The following ZNF667 variants were observed in gnomAD, a reference collection of about 807,000 sequenced individuals.
ZNF667 encodes zinc finger protein 667, also known as myocardial ischemic preconditioning upregulated 1 ortholog.
Under a neutral mutation model 31.8 loss-of-function variants are expected in ZNF667, and 13 were observed. That is an observed-to-expected ratio of 0.41 (90% CI 0.27 to 0.65). The LOEUF is 0.65. Among genes scored for constraint, ZNF667 ranks in the 30% least tolerant of loss-of-function variants. The pLI is 0.32. For synonymous variants in ZNF667, 228 were observed against 247.1 expected, an observed-to-expected ratio of 0.92 and a Z score of 0.73; for missense variants, 642 against 725.6, an observed-to-expected ratio of 0.88 and a Z score of 1.32.
At chr19:56,472,717 A>G (rs2043318259) in intron 2 of ZNF667, 1 of 152,242 alleles carries the variant, frequency 6.6e-6, no homozygotes, top group South Asian at 2.1e-4. Context: ...AATACATGTA[A>G]CACACAAAAT....
At chr19:56,476,495 C>T (rs1193484422) in intron 1 of ZNF667, among the ~76,000 whole-genome samples, 1 of 152,192 alleles carries the variant, frequency 6.6e-6, no homozygotes, top group Non-Finnish European at 1.5e-5. Context: ...CCATAACCAA[C>T]ACCTAAACAC....
At chr19:56,469,674 T>A in intron 3 of ZNF667, among the ~76,000 whole-genome samples, 1 of 152,128 alleles carries the variant, frequency 6.6e-6, no homozygotes, top group Non-Finnish European at 1.5e-5. Flanking sequence ...CCACCACCCT[T>A]CACGGCTGGT....
At position 56,441,171 on chromosome 19, in the gene ZNF667, T is replaced by C. The variant is rs150969134; in HGVS notation, c.1824A>G (p.Glu608=). 6.1e-5 allele frequency: 98 copies of C among 1,601,838 alleles called. 1 individual carries two copies. The African/African-American group carries it at 1.2e-3, about 19-fold the overall frequency. ...TAGATTTAAAACAACCTTAGGCTTT[T>C]TCTTCAGAATGTGTATTCTGATGTC... ...LIRHQNTHSE[E]KA Residue 608 remains glutamate, a synonymous_variant, in exon 7 of 7, where the codon GAA becomes GAG. Coordinates refer to ENST00000504904, the MANE Select transcript of ZNF667 (RefSeq NM_001321356.2). The surrounding 1 kb of genome is among the most constrained non-coding windows in gnomAD (Gnocchi z 4.2).
chr19:56,440,967 G>A lies in ZNF667; in HGVS notation c.*195C>T. 1 of 1,408,754 alleles carries A rather than the reference G, an allele frequency of 7.1e-7. No homozygotes were observed. Among genetic ancestry groups the A allele is most frequent in the South Asian group, 1.7e-5 (1 of 59,824 alleles). 87.3% of individuals were successfully genotyped at this position (1,408,754 alleles called of 1,614,324 possible). ...AAAATGATCTTCATTCACAATGACT[G>A]ACCAAACTTCTGAGTTTCCTTCAGT... On this transcript the variant is annotated 3_prime_UTR_variant, in exon 7 of 7. Coordinates refer to ENST00000504904, the MANE Select transcript of ZNF667 (RefSeq NM_001321356.2).
intron 6 of ZNF667, among the ~76,000 whole-genome samples, chr19:56,446,884 C>G (rs2147691146): frequency 1.3e-5 from 2 of 152,274 alleles, no homozygotes; most frequent in East Asian, 3.9e-4. Context: ...AAACTCTTAG[C>G]TTCCCTTCCT....
intron 6 of ZNF667, among the ~76,000 whole-genome samples, chr19:56,446,645 C>A (rs1170644422): frequency 6.6e-6 from 1 of 152,166 alleles, no homozygotes; most frequent in Non-Finnish European, 1.5e-5. Context: ...TGTGGACCTG[C>A]AGTTGCTTAA....
At chr19:56,460,587 TA>T (rs1568448015) in intron 5 of ZNF667, 101 bp downstream of exon 5, 1 of 1,359,508 alleles carries the variant, frequency 7.4e-7, no homozygotes, top group Non-Finnish European at 9.8e-7. Flanking sequence ...AAAGCTCTTT[TA>T]AAAAAGAAAC....
intron 6 of ZNF667, among the ~76,000 whole-genome samples, chr19:56,453,302 C>CTAA (rs942316487): frequency 4.7e-4 from 71 of 152,210 alleles, no homozygotes; most frequent in African/African-American, 1.6e-3. Flanking sequence ...TTAAAAAAAC[C>CTAA]TAATACCAAT....
intron 6 of ZNF667, among the ~76,000 whole-genome samples, chr19:56,447,914 TG>T (rs1051435004): frequency 3.1e-4 from 47 of 151,924 alleles, no homozygotes; most frequent in African/African-American, 1.1e-3. Context: ...AAGGAGAAAG[TG>T]GAAGAGCCAG....
intron 6 of ZNF667, among the ~76,000 whole-genome samples, chr19:56,444,450 AC>A (rs1188749724): frequency 6.6e-6 from 1 of 152,030 alleles, no homozygotes; most frequent in Admixed American, 6.6e-5. Flanking sequence ...TGAGAAACCC[AC>A]CCCCATGATC....
chr19:56,439,829 T>G lies in ZNF667; in HGVS notation c.*1333A>C, dbSNP rs1004572847. ...GCCACTGTGCCTGGCTAATTTTTTGTATTTTTTTTCAGTGGAGACGGGGTT... is the reference window on the plus strand; with the variant it reads ...GCCACTGTGCCTGGCTAATTTTTTGGATTTTTTTTCAGTGGAGACGGGGTT... On this transcript the variant is annotated 3_prime_UTR_variant, in exon 7 of 7. Transcript: ENST00000504904. The G allele has an allele frequency of 6.6e-6, 1 of 152,364 alleles. No homozygotes were observed. The highest frequency in any genetic ancestry group is 2.4e-5 in the African/African-American group (1 of 41,452). The allele number at this position is 152,364 out of a possible 1,614,324, so 9.4% of individuals were successfully genotyped here. A position where few individuals can be genotyped will look rare whatever the true frequency, so the allele number is the denominator to read the frequency against.
In ZNF667 at chr19:56,441,991, C is replaced by A. The variant is rs1048495994; in HGVS notation, c.1004G>T (p.Cys335Phe). 19 of 1,613,982 alleles carry A rather than the reference C, an allele frequency of 1.2e-5. No homozygotes were observed. The highest frequency in any genetic ancestry group is 1.4e-5 in the Non-Finnish European group (17 of 1,179,934). Reference sequence around the variant, plus strand: ...TGAAATCCTATTAAATAATTTCCCACATTTTCTGCATTTAAAAGGATTCTC... The same window carrying A: ...TGAAATCCTATTAAATAATTTCCCAAATTTTCTGCATTTAAAAGGATTCTC... ...HLENPFKCRK[C>F]GKLFNRISPL... The change falls in exon 7 of 7, where the codon TGT (cysteine) becomes TTT (phenylalanine). Residue 335 changes from cysteine to phenylalanine, a missense_variant. By Grantham distance (205) the Cys-to-Phe change is radical. Transcript: ENST00000504904. The surrounding 1 kb of genome is among the most constrained non-coding windows in gnomAD (Gnocchi z 4.2).
chr19:56,456,252 T>A (rs2042929100), intron 6 of ZNF667, among the ~76,000 whole-genome samples: 1 of 152,192 alleles, frequency 6.6e-6, no homozygotes, highest in Admixed American at 6.5e-5. Flanking sequence ...TGGTGCTGAT[T>A]TGATAATTCT....
At chr19:56,454,980 G>A (rs2042903115) in intron 6 of ZNF667, among the ~76,000 whole-genome samples, 1 of 151,770 alleles carries the variant, frequency 6.6e-6, no homozygotes, top group Non-Finnish European at 1.5e-5. Flanking sequence ...AACTATATAG[G>A]AAAAAAATGT....
chr19:56,443,656 T>C lies in ZNF667; in HGVS notation c.254-915A>G, dbSNP rs541200051. On this transcript the variant is annotated intron_variant, in intron 6 of 6. Transcript: ENST00000504904. ...CCATGGCCATATATGTAGTCTGTTG[T>C]TGACTGGACTGAAACATCATTATGC... Among the ~76,000 whole-genome samples the C allele has an allele frequency of 9.0e-4, 137 of 152,324 alleles. No individual in the cohort carries two copies. In the Middle Eastern group the frequency reaches 0.01, roughly 11 times the overall value.
rs756003474 is a variant in ZNF667, at chr19:56,441,151, T to G, written c.*11A>C. ...AGCCTCATTCGTTGATTTTATAGAT[T>G]TAAAACAACCTTAGGCTTTTTCTTC... On this transcript the variant is annotated 3_prime_UTR_variant, in exon 7 of 7. Transcript: ENST00000504904. The surrounding 1 kb of genome is among the most constrained non-coding windows in gnomAD (Gnocchi z 4.2). 1.1e-5 allele frequency: 17 copies of G among 1,584,906 alleles called. No homozygotes were observed. Among genetic ancestry groups the G allele is most frequent in the Non-Finnish European group, 1.4e-5 (16 of 1,164,404 alleles).
chr19:56,444,655 A>C (rs1473484393), intron 6 of ZNF667, among the ~76,000 whole-genome samples: 1 of 97,808 alleles, frequency 1.0e-5, no homozygotes, highest in Non-Finnish European at 2.1e-5. Flanking sequence ...CCCCACCTCC[A>C]ACACTGAGGA....
In ZNF667 at chr19:56,472,048, CG is replaced by C. The variant is rs2043303299; in HGVS notation, c.-410del. The C allele has an allele frequency of 6.6e-6, 1 of 152,276 alleles. No homozygotes were observed. The highest frequency in any genetic ancestry group is 6.5e-5 in the Admixed American group (1 of 15,278). 9.4% of individuals were successfully genotyped at this position (152,276 alleles called of 1,614,324 possible). ...TCATTCTCCCTGTGGCCATGTAAGA[CG>C]TGTCTTTCACCTTCCATCACGATTG... On this transcript the variant is annotated 5_prime_UTR_variant, in exon 3 of 7. It introduces an in-frame stop codon into an upstream open reading frame of the 5' UTR. Transcript: ENST00000504904.
At chr19:56,476,618 A>G (rs1462632996) in intron 1 of ZNF667, among the ~76,000 whole-genome samples, 1 of 152,190 alleles carries the variant, frequency 6.6e-6, no homozygotes, top group Non-Finnish European at 1.5e-5. Flanking sequence ...ACCAAGGAGG[A>G]AAGTCATGCA....
Sources: allele counts gnomAD v4.1 joint callset (sites outside exome capture counted in the v4.1 genomes callset), GRCh38; gene constraint gnomAD v4.1.1; non-coding constraint Gnocchi (gnomAD v3.1); transcripts MANE v1.5; gene names NCBI Gene and HGNC (gene_info 2026-07-23, HGNC 2026-07-21).